The following MICALL2 variants were observed in gnomAD, a reference collection of about 807,000 sequenced individuals.
The protein encoded by MICALL2 is MICAL-like protein 2.
In MICALL2, 111 loss-of-function variants were observed where a neutral mutation model predicts 91.1. The ratio of observed to expected loss-of-function variants is 1.22; its 90% CI spans 1.04 to 1.43. MICALL2 has a LOEUF of 1.43. Among genes scored for constraint, MICALL2 ranks in the 40% most tolerant of loss-of-function variants. The probability of loss-of-function intolerance (pLI) is 0.00; values close to 1 mark genes in which losing one functional copy is unlikely to be tolerated. For missense variants in MICALL2, 1,556 were observed against 1,236.0 expected (o/e 1.26, Z -3.88); for synonymous variants, 694 against 525.3 (o/e 1.32, Z -4.39).
chr7:1,438,106 C>T lies in MICALL2; in HGVS notation c.2302G>A (p.Ala768Thr). The T allele has an allele frequency of 6.4e-7, 1 of 1,566,100 alleles. No homozygotes were observed. Among genetic ancestry groups the T allele is most frequent in the East Asian group, 2.4e-5 (1 of 42,428 alleles). The change falls in exon 12 of 17, where the codon GCC (alanine) becomes ACC (threonine). Residue 768 changes from alanine to threonine, a missense_variant. By Grantham distance (58) the Ala-to-Thr change is moderately conservative. Coordinates refer to ENST00000297508, the MANE Select transcript of MICALL2 (RefSeq NM_182924.4). The part of the protein sequence containing the change: ...GVELEKRLRA[A>T]EGDDAEDSLM... ...AGGCCGAGGCGCTCACCTCCCTCGG[C>T]CGCCCGCAGTCGCTTCTCCAGCTCC...
In MICALL2 at chr7:1,445,407, C is replaced by T. The variant is rs369564366; in HGVS notation, c.663G>A (p.Thr221=). ...TGGCCTTGTAGGCCCCCGAGTGCAG[C>T]GTGCAGGAGCACTGCTTACACCTGG... ...SCFRCKQCSC[T]LHSGAYKATG... Residue 221 remains threonine, a synonymous_variant, in exon 6 of 17, where the codon ACG becomes ACA. Transcript: ENST00000297508. The T allele has an allele frequency of 2.1e-3, 3,261 of 1,554,484 alleles. 39 individuals are homozygous for T. Among genetic ancestry groups the T allele is most frequent in the South Asian group, 0.014 (1,201 of 86,118 alleles).
At chr7:1,446,355 AGGGAG>A (rs1780579681) in intron 5 of MICALL2, among the ~76,000 whole-genome samples, 1 of 768 alleles carries the variant, frequency 1.3e-3, no homozygotes. Flanking sequence ...AGGGGGGAGG[AGGGAG>A]AGGAGGGGGG....
Position 1,437,897 on chromosome 7 carries a change from T to C in MICALL2, c.2395A>G (p.Met799Val), listed in dbSNP as rs138288683. The C allele has an allele frequency of 3.2e-6, 5 of 1,548,980 alleles. No homozygotes were observed. The highest frequency in any genetic ancestry group is 2.7e-5 in the African/African-American group (2 of 73,110). The change falls in exon 13 of 17, where the codon ATG becomes GTG. Residue 799 changes from methionine to valine, a missense_variant. Transcript: ENST00000297508. Reference protein sequence around the residue: ...QLLLRQESELMYKSKAQRLEE... With the variant: ...QLLLRQESELVYKSKAQRLEE... ...CCACGGCTGGGCTCTCACTTGTACA[T>C]CAGCTCTGACTCCTGTCTCAGCAGA...
rs1273902529 is a variant in MICALL2, at chr7:1,438,838, A to C, written c.2122+2T>G. 26 of 1,600,340 alleles carry C rather than the reference A, an allele frequency of 1.6e-5. No individual in the cohort carries two copies. The highest frequency in any genetic ancestry group is 2.0e-5 in the Non-Finnish European group (24 of 1,171,520). ...AACAGCAGCGGTGTCTCTGGGGCTGACCTGGTTTGCCCTGAAGGTGAGGTT... is the reference window on the plus strand; with the variant it reads ...AACAGCAGCGGTGTCTCTGGGGCTGCCCTGGTTTGCCCTGAAGGTGAGGTT... On this transcript the variant is annotated splice_donor_variant, in intron 10 of 16. Transcript: ENST00000297508. LOFTEE classifies it high-confidence loss of function.
At chr7:1,439,201 G>A (rs1562449628) in intron 9 of MICALL2, 1 of 546,250 alleles carries the variant, frequency 1.8e-6, no homozygotes, top group Non-Finnish European at 3.3e-6. Context: ...TAACCCACGG[G>A]GCTGCTGGCT....
chr7:1,436,251 C>A (rs1311409588), intron 15 of MICALL2, among the ~76,000 whole-genome samples: 2 of 151,548 alleles, frequency 1.3e-5, no homozygotes, highest in Non-Finnish European at 2.9e-5. Context: ...ATTAGCCGGG[C>A]ATGGTGGTGC....
At chr7:1,454,939 G>A (rs922628972) in intron 1 of MICALL2, among the ~76,000 whole-genome samples, 7 of 152,156 alleles carry the variant, frequency 4.6e-5, no homozygotes, top group Non-Finnish European at 7.4e-5. Flanking sequence ...CAGAGCTGCA[G>A]GGACCAGGAA....
In MICALL2 at chr7:1,438,989, G is replaced by A. The variant is rs1584201204; in HGVS notation, c.1973C>T (p.Ser658Phe). The A allele has an allele frequency of 5.0e-6, 8 of 1,593,390 alleles. No individual in the cohort carries two copies. In the African/African-American group the frequency reaches 6.7e-5, roughly 13 times the overall value. ...TCTCCTGCGGCGGGGTGGGGAGGGG[G>A]ACCTGGCTGCCCCCAGGTGGGGAGA... ...ASPGPSLPAR[S>F]PSPPRRRRLA... Residue 658 changes from serine to phenylalanine, a missense_variant, in exon 10 of 17, where the codon TCC becomes TTC. Coordinates refer to ENST00000297508, the MANE Select transcript of MICALL2 (RefSeq NM_182924.4).
chr7:1,455,110 G>A (rs976873226), intron 1 of MICALL2, among the ~76,000 whole-genome samples: 4 of 152,194 alleles, frequency 2.6e-5, no homozygotes, highest in East Asian at 1.9e-4. Context: ...CCTGCGCCAC[G>A]CACAACGCCT....
At chr7:1,459,148 C>G (rs1033733878) in intron 1 of MICALL2, 36 bp downstream of exon 1, 4 of 1,584,606 alleles carry the variant, frequency 2.5e-6, no homozygotes, top group South Asian at 2.3e-5. Flanking sequence ...CGCAGCCGAA[C>G]AGCAGAAGAA....
chr7:1,447,528 C>T (rs1392943507), intron 4 of MICALL2, 47 bp downstream of exon 4: 13 of 1,048,248 alleles, frequency 1.2e-5, no homozygotes, highest in African/African-American at 3.4e-5. Flanking sequence ...CTGCACCCCC[C>T]GGTGGAAAAC....
intron 1 of MICALL2, among the ~76,000 whole-genome samples, chr7:1,458,909 G>C (rs1781112592): frequency 6.6e-6 from 1 of 152,234 alleles, no homozygotes; most frequent in Non-Finnish European, 1.5e-5. Context: ...GGACACAGAG[G>C]GGGACTGGAC....
chr7:1,440,058 G>A lies in MICALL2; in HGVS notation c.1833C>T (p.Ala611=), dbSNP rs1172170103. The change falls in exon 9 of 17, where the codon GCC becomes GCT. Residue 611 remains alanine (A), a synonymous_variant. Transcript: ENST00000297508. ...CCTCCCCCGCCCTCGGCTCTGCCAG[G>A]GCCCGTGGTTCCTTGGGCTTCAGAG... ...ERTLKPKEPR[A]LAEPRAGEAP... The A allele has an allele frequency of 6.9e-6, 11 of 1,585,974 alleles. No individual in the cohort carries two copies. Among genetic ancestry groups the A allele is most frequent in the Non-Finnish European group, 9.4e-6 (11 of 1,171,096 alleles).
chr7:1,447,515 C>G, intron 4 of MICALL2, 60 bp downstream of exon 4: 1 of 1,098,156 alleles, frequency 9.1e-7, no homozygotes, highest in Admixed American at 2.8e-5. Flanking sequence ...CCACAAGCCC[C>G]TTCTGCACCC....
At chr7:1,450,115 C>T (rs1024113491) in intron 2 of MICALL2, 125 bp downstream of exon 2, 6 of 749,904 alleles carry the variant, frequency 8.0e-6, no homozygotes, top group African/African-American at 1.7e-5. Flanking sequence ...AGGGAGCCCC[C>T]GATTCCCAGG....
intron 4 of MICALL2, 71 bp downstream of exon 4, chr7:1,447,504 C>T: frequency 1.0e-6 from 1 of 981,416 alleles, no homozygotes; most frequent in Non-Finnish European, 1.5e-6. Context: ...CGCACGTAGT[C>T]CCACAAGCCC....
At position 1,452,574 on chromosome 7, in the gene MICALL2, G is replaced by A. The variant is rs1469366808; in HGVS notation, c.144-2286C>T. On this transcript the variant is annotated intron_variant, in intron 1 of 16. Transcript: ENST00000297508. The surrounding 1 kb of genome is among the most constrained non-coding windows in gnomAD (Gnocchi z 6.2). The stretch of plus-strand genomic sequence containing the variant: ...GTCTGTTTTTTCTCTAAACAAGCAG[G>A]AGGAGGAGGCTGTCTGCCTCCCGCA... 6.6e-6 allele frequency among the ~76,000 whole-genome samples: 1 copy of A among 152,180 alleles called. No individual in the cohort carries two copies. The highest frequency in any genetic ancestry group is 6.5e-5 in the Admixed American group (1 of 15,286).
intron 1 of MICALL2, among the ~76,000 whole-genome samples, chr7:1,453,781 C>T (rs1237363753): frequency 6.6e-6 from 1 of 152,086 alleles, no homozygotes; most frequent in Non-Finnish European, 1.5e-5. Flanking sequence ...TCAGGTATAC[C>T]ATGGCCCGGC....
chr7:1,445,153 G>A lies in MICALL2; in HGVS notation c.917C>T (p.Pro306Leu). ...GACGGACGTGGCGCTGGTGGCTGCA[G>A]GGTTGGGTGCAGCTGGAACGGAAGC... ...ARASVPAAPNPAATSATSVHV... is the reference protein window; with the variant it reads ...ARASVPAAPNLAATSATSVHV... Residue 306 changes from proline to leucine, a missense_variant, in exon 6 of 17, where the codon CCT (proline) becomes CTT (leucine). Coordinates refer to ENST00000297508, the MANE Select transcript of MICALL2 (RefSeq NM_182924.4). 1 of 1,575,204 alleles carries A rather than the reference G, an allele frequency of 6.3e-7. No individual in the cohort carries two copies. The highest frequency in any genetic ancestry group is 1.3e-5 in the African/African-American group (1 of 74,152).
Sources: allele counts gnomAD v4.1 joint callset (sites outside exome capture counted in the v4.1 genomes callset), GRCh38; gene constraint gnomAD v4.1.1; non-coding constraint Gnocchi (gnomAD v3.1); transcripts MANE v1.5; gene names NCBI Gene and HGNC (gene_info 2026-07-23, HGNC 2026-07-21).